Variants in AFAP1L1 observed in about 807,000 individuals in gnomAD.
The protein encoded by AFAP1L1 is actin filament-associated protein 1-like 1.
AFAP1L1 carries 77 observed loss-of-function variants against 99.8 expected under a neutral mutation model. That is an observed-to-expected ratio of 0.77 (90% CI 0.64 to 0.93). The LOEUF is 0.93. Among genes scored for constraint, AFAP1L1 ranks in the 40% least tolerant of loss-of-function variants. The pLI is 0.00. For synonymous variants in AFAP1L1, 373 were observed against 395.3 expected, an observed-to-expected ratio of 0.94 and a Z score of 0.67; for missense variants, 893 against 996.8, an observed-to-expected ratio of 0.90 and a Z score of 1.40.
At position 149,343,333 on chromosome 5, in the gene AFAP1L1, A is replaced by G. The variant is rs1429958847; in HGVS notation, c.*3303A>G. 6.6e-6 allele frequency among the ~76,000 whole-genome samples: 1 copy of G among 152,106 alleles called. No homozygotes were observed. The highest frequency in any genetic ancestry group is 2.4e-5 in the African/African-American group (1 of 41,408). On this transcript the variant is annotated 3_prime_UTR_variant, in exon 19 of 19. Coordinates refer to ENST00000296721, the MANE Select transcript of AFAP1L1 (RefSeq NM_152406.4). ...AGGAACACTTCCCATTCCCTTAAAA[A>G]AAAAAATTAAGGGACTATCCAGTAA...
At chr5:149,284,583 G>A (rs1037972762) in intron 1 of AFAP1L1, among the ~76,000 whole-genome samples, 1 of 152,266 alleles carries the variant, frequency 6.6e-6, no homozygotes, top group South Asian at 2.1e-4. Context: ...TTTCACCCTC[G>A]CTCCTTGCCT....
chr5:149,318,066 T>A, intron 12 of AFAP1L1, 126 bp downstream of exon 12: 1 of 1,114,216 alleles, frequency 9.0e-7, no homozygotes, highest in South Asian at 1.6e-5. Flanking sequence ...AAAGCAAGCC[T>A]CACTCCTGTC....
intron 15 of AFAP1L1, among the ~76,000 whole-genome samples, chr5:149,324,604 G>A (rs1285933803): frequency 1.3e-5 from 2 of 152,190 alleles, no homozygotes; most frequent in Admixed American, 6.5e-5. Flanking sequence ...TATGTCACAC[G>A]GTTTCTGTGG....
chr5:149,334,628 G>A (rs1757350904), intron 17 of AFAP1L1, among the ~76,000 whole-genome samples: 1 of 152,184 alleles, frequency 6.6e-6, no homozygotes, highest in Non-Finnish European at 1.5e-5. Flanking sequence ...GTCAGGCTGT[G>A]GGGCCAGGCA....
chr5:149,327,478 A>T (rs1224251661), intron 15 of AFAP1L1, among the ~76,000 whole-genome samples: 1 of 152,114 alleles, frequency 6.6e-6, no homozygotes, highest in Non-Finnish European at 1.5e-5. Flanking sequence ...ACTACACTAC[A>T]GTTATATGGA....
intron 8 of AFAP1L1, among the ~76,000 whole-genome samples, chr5:149,311,310 T>C (rs1756623022): frequency 6.6e-6 from 1 of 152,116 alleles, no homozygotes; most frequent in South Asian, 2.1e-4. Flanking sequence ...CACGAGCTGG[T>C]TGGGTCGGCA....
At chr5:149,273,021 G>C (rs1360385488) in intron 1 of AFAP1L1, among the ~76,000 whole-genome samples, 1 of 151,934 alleles carries the variant, frequency 6.6e-6, no homozygotes, top group Non-Finnish European at 1.5e-5. Context: ...TTTAAGTAAA[G>C]GTCTAGACAT....
At chr5:149,322,054 A>G (rs1225963762) in intron 14 of AFAP1L1, among the ~76,000 whole-genome samples, 7 of 152,236 alleles carry the variant, frequency 4.6e-5, no homozygotes, top group Non-Finnish European at 1.0e-4. Context: ...ACAGAGAAGT[A>G]GATAGTACTG....
rs776707601 is a variant in AFAP1L1 at position 149,340,077 on chromosome 5, C to A, written c.*47C>A. 1 of 1,610,100 alleles carries A rather than the reference C, an allele frequency of 6.2e-7. No homozygotes were observed. Among genetic ancestry groups the A allele is most frequent in the South Asian group, 1.1e-5 (1 of 90,838 alleles). ...CCAAAGGAAATACCAGCTTGTCCACCTGAGGAAGAAATGCTTTTTTCACAA... is the reference window on the plus strand; with the variant it reads ...CCAAAGGAAATACCAGCTTGTCCACATGAGGAAGAAATGCTTTTTTCACAA... On this transcript the variant is annotated 3_prime_UTR_variant, in exon 19 of 19. Coordinates refer to ENST00000296721, the MANE Select transcript of AFAP1L1 (RefSeq NM_152406.4).
intron 1 of AFAP1L1, among the ~76,000 whole-genome samples, chr5:149,296,524 T>C (rs1350534990): frequency 6.6e-6 from 1 of 152,196 alleles, no homozygotes; most frequent in East Asian, 1.9e-4. Context: ...GTGGCTGCCT[T>C]CTTGCATCTG....
intron 1 of AFAP1L1, among the ~76,000 whole-genome samples, chr5:149,274,646 A>C (rs1163859350): frequency 3.3e-5 from 5 of 152,252 alleles, no homozygotes; most frequent in African/African-American, 7.2e-5. Flanking sequence ...TGGGAGGCCA[A>C]GGTGGGTGGA....
At chr5:149,298,295 C>G (rs1015250807) in intron 1 of AFAP1L1, among the ~76,000 whole-genome samples, 1 of 152,144 alleles carries the variant, frequency 6.6e-6, no homozygotes, top group African/African-American at 2.4e-5. Context: ...CTTCTCTGAG[C>G]CTTAGTGTCT....
chr5:149,316,330 G>C lies in AFAP1L1; in HGVS notation c.1267+27G>C, dbSNP rs889988386. On this transcript the variant is annotated intron_variant, in intron 11 of 18. Coordinates refer to ENST00000296721, the MANE Select transcript of AFAP1L1 (RefSeq NM_152406.4). The stretch of plus-strand genomic sequence containing the variant: ...TGGGTCCAGGGCACGGGGAGGAAGG[G>C]TGCTCAGGTCCTGTGTGCGCGGGCT... 6 of 1,607,698 alleles carry C rather than the reference G, an allele frequency of 3.7e-6. No individual in the cohort carries two copies. The Admixed American group carries it at 5.0e-5, about 13-fold the overall frequency.
At position 149,316,207 on chromosome 5, in the gene AFAP1L1, G is replaced by A. The variant is rs774297897; in HGVS notation, c.1171G>A (p.Gly391Ser). 4 of 1,614,024 alleles carry A rather than the reference G, an allele frequency of 2.5e-6. No homozygotes were observed. The highest frequency in any genetic ancestry group is 3.3e-5 in the Admixed American group (2 of 60,006). ...ELKGSMSRAA[G>S]RKITRIIGFS... Reference sequence around the variant, plus strand: ...GAAGGGCTCAATGAGCAGGGCTGCGGGCCGCAAGATCACCCGTATCATTGG... The same window carrying A: ...GAAGGGCTCAATGAGCAGGGCTGCGAGCCGCAAGATCACCCGTATCATTGG... Residue 391 changes from glycine (G) to serine (S), a missense_variant, in exon 11 of 19, where the codon GGC becomes AGC. Gly to Ser is a moderately conservative substitution (Grantham distance 56). Transcript: ENST00000296721.
chr5:149,311,990 C>T (rs1261595520), intron 8 of AFAP1L1, 122 bp from the exon 9 acceptor site: 3 of 846,478 alleles, frequency 3.5e-6, no homozygotes, highest in African/African-American at 3.4e-5. Context: ...TGTGTCAGTC[C>T]ATCTGTTCCC....
Position 149,320,458 on chromosome 5 carries a change from A to T in AFAP1L1, c.1693A>T (p.Met565Leu), listed in dbSNP as rs1323599734. ...RVYDDVPYEK[M>L]QDEEPERPTG... ...CTATGATGATGTTCCTTATGAAAAG[A>T]TGCAGGTACAGTCCCTTGGGGCTGC... Residue 565 changes from methionine to leucine, a missense_variant, in exon 14 of 19, where the codon ATG becomes TTG. Coordinates refer to ENST00000296721, the MANE Select transcript of AFAP1L1 (RefSeq NM_152406.4). This position sits in a 1 kb window ranked among gnomAD's most constrained non-coding sequence, Gnocchi z 4.0. The T allele has an allele frequency of 3.7e-6, 6 of 1,614,218 alleles. No individual in the cohort carries two copies. Among genetic ancestry groups the T allele is most frequent in the Non-Finnish European group, 5.1e-6 (6 of 1,180,036 alleles).
At chr5:149,285,208 A>G (rs24283) in intron 1 of AFAP1L1, among the ~76,000 whole-genome samples, 75,867 of 151,926 alleles carry the variant, frequency 0.5, 20,240 homozygotes, top group East Asian at 0.79. Context: ...GGGAAGGAAA[A>G]GAGGGAAGAC....
intron 1 of AFAP1L1, among the ~76,000 whole-genome samples, chr5:149,288,844 G>A (rs1244603679): frequency 6.6e-6 from 1 of 152,170 alleles, no homozygotes; most frequent in East Asian, 1.9e-4. Context: ...CCCTCCTGGT[G>A]GAGGACAAGA....
intron 18 of AFAP1L1, among the ~76,000 whole-genome samples, chr5:149,339,138 A>G (rs1757489746): frequency 6.6e-6 from 1 of 151,574 alleles, no homozygotes; most frequent in African/African-American, 2.4e-5. Context: ...GCCATGGACA[A>G]TATGAAAATG....
Sources: allele counts gnomAD v4.1 joint callset (sites outside exome capture counted in the v4.1 genomes callset), GRCh38; gene constraint gnomAD v4.1.1; non-coding constraint Gnocchi (gnomAD v3.1); transcripts MANE v1.5; gene names NCBI Gene and HGNC (gene_info 2026-07-23, HGNC 2026-07-21).